SCAMP4: variants seen among roughly 807,000 people sequenced by gnomAD.
The protein encoded by SCAMP4 is secretory carrier-associated membrane protein 4.
In SCAMP4, 19 loss-of-function variants were observed where a neutral mutation model predicts 32.1. The ratio of observed to expected loss-of-function variants is 0.59; its 90% confidence interval spans 0.41 to 0.87. The LOEUF (loss-of-function observed/expected upper bound fraction) is 0.87. Among genes scored for constraint, SCAMP4 ranks in the 40% least tolerant of loss-of-function variants. The pLI, the probability that SCAMP4 is intolerant of heterozygous loss-of-function variation, is 0.00. For synonymous variants in SCAMP4, 152 were observed against 132.7 expected (o/e 1.15, Z -1.00); for missense variants, 302 against 309.0 (o/e 0.98, Z 0.17).
intron 5 of SCAMP4, chr19:1,921,925 CGGG>C: frequency 1.0e-6 from 1 of 985,466 alleles, no homozygotes; most frequent in Non-Finnish European, 1.2e-6. Flanking sequence ...AGGGACGCGG[CGGG>C]GGGTACCGCG....
chr19:1,920,653 G>A, intron 5 of SCAMP4: 1 of 985,544 alleles, frequency 1.0e-6, no homozygotes, highest in Non-Finnish European at 1.2e-6. Context: ...TGCAGAGGCT[G>A]TGGCTGCAGG....
chr19:1,921,171 G>A lies in SCAMP4; in HGVS notation c.396-1899G>A, dbSNP rs1451675411. ...CTGTGGGGCGAGAGGGGACAGCCCC[G>A]CTCTCCCTGTCCTGGGCGGCTTCAC... is the stretch of plus-strand genomic sequence containing the variant. On this transcript the variant is annotated intron_variant, in intron 5 of 6. Transcript: ENST00000316097. 53 of 985,162 alleles carry A rather than the reference G, an allele frequency of 5.4e-5. No individual in the cohort carries two copies. The East Asian group carries it at 1.6e-3, about 30-fold the overall frequency. 61.0% of individuals were successfully genotyped at this position (985,162 alleles called of 1,614,324 possible). A position where few individuals can be genotyped will look rare whatever the true frequency, so the allele number is the denominator to read the frequency against.
intron 6 of SCAMP4, 75 bp downstream of exon 6, chr19:1,923,262 G>A: frequency 2.3e-6 from 3 of 1,332,456 alleles, no homozygotes; most frequent in Non-Finnish European, 3.1e-6. Context: ...TCCCAGGTGG[G>A]TGAACGTCGA....
chr19:1,924,214 A>C lies in SCAMP4; in HGVS notation c.620A>C (p.Asn207Thr), dbSNP rs754449771. ...NPPSREAQYN[N>T]FSGNSLPEYP... ...CCGTCGAGGGAGGCCCAGTACAACA[A>C]CTTCTCAGGCAACAGCCTGCCCGAG... Residue 207 changes from asparagine (N) to threonine (T), a missense_variant, in exon 7 of 7, where the codon AAC becomes ACC. Transcript: ENST00000316097. 1 of 1,608,844 alleles carries C rather than the reference A, an allele frequency of 6.2e-7. No individual in the cohort carries two copies. The highest frequency in any genetic ancestry group is 8.5e-7 in the Non-Finnish European group (1 of 1,177,708).
At chr19:1,912,124 A>G in intron 1 of SCAMP4, 1 of 1,544,668 alleles carries the variant, frequency 6.5e-7, no homozygotes, top group South Asian at 1.2e-5. Context: ...CTCGTGGAGC[A>G]GCCCAAGTGC....
rs1043919540 is a variant in SCAMP4 at position 1,925,285 on chromosome 19, A to T, written c.*1001A>T. 3 of 152,002 alleles carry T rather than the reference A, an allele frequency of 2.0e-5. No homozygotes were observed. Among genetic ancestry groups the T allele is most frequent in the African/African-American group, 7.3e-5 (3 of 41,358 alleles). 9.4% of individuals were successfully genotyped at this position (152,002 alleles called of 1,614,324 possible). A position where few individuals can be genotyped will look rare whatever the true frequency, so the allele number is the denominator to read the frequency against. On this transcript the variant is annotated 3_prime_UTR_variant, in exon 7 of 7. Transcript: ENST00000316097. Reference sequence around the variant, plus strand: ...GCTAATTTTTATATTTTTAGTACAGATGGGGTTTCACCATGTTGGCCAGGC... The same window carrying T: ...GCTAATTTTTATATTTTTAGTACAGTTGGGGTTTCACCATGTTGGCCAGGC...
rs1220245737 is a variant in SCAMP4 at position 1,908,636 on chromosome 19, G to A, written c.-42+3197G>A. 2 of 460,840 alleles carry A rather than the reference G, an allele frequency of 4.3e-6. No individual in the cohort carries two copies. The highest frequency in any genetic ancestry group is 7.0e-5 in the East Asian group (1 of 14,340). The allele number at this position is 460,840 out of a possible 1,614,324, so 28.5% of individuals were successfully genotyped here. ...GCTAGAAATAACTGTGAGCACACAG[G>A]TAGTAAGGTTTTTAGGATTTTATTA... On this transcript the variant is annotated intron_variant, in intron 1 of 6. Coordinates refer to ENST00000316097, the MANE Select transcript of SCAMP4 (RefSeq NM_079834.4). This position sits in a 1 kb window ranked among gnomAD's most constrained non-coding sequence, Gnocchi z 4.2.
intron 1 of SCAMP4, chr19:1,913,430 TAAAC>T (rs1430711080): frequency 2.0e-5 from 11 of 556,842 alleles, no homozygotes; most frequent in Admixed American, 3.5e-5. Context: ...GATGGGAAAA[TAAAC>T]AGCCCAAAAC....
intron 2 of SCAMP4, 89 bp downstream of exon 2, chr19:1,915,115 G>T: frequency 6.6e-7 from 1 of 1,520,550 alleles, no homozygotes. Flanking sequence ...CCTGGCCGTT[G>T]GCAAACAGTG....
At chr19:1,912,259 A>G in intron 1 of SCAMP4, 2 of 1,597,038 alleles carry the variant, frequency 1.3e-6, no homozygotes, top group South Asian at 1.1e-5. Flanking sequence ...GACAAGCGCC[A>G]GACCTCACGC....
At chr19:1,912,433 C>A in intron 1 of SCAMP4, 3 of 1,510,422 alleles carry the variant, frequency 2.0e-6, no homozygotes, top group East Asian at 2.7e-5. Flanking sequence ...CTGCCACGGC[C>A]GGCTGTGGAC....
chr19:1,921,799 G>C (rs1352953789), intron 5 of SCAMP4: 1 of 984,462 alleles, frequency 1.0e-6, no homozygotes, highest in Non-Finnish European at 1.2e-6. Context: ...GGGCAACATA[G>C]GGAGAAACCA....
chr19:1,918,016 G>T (rs2013790043), intron 3 of SCAMP4, 111 bp from the exon 4 acceptor site: 1 of 1,419,246 alleles, frequency 7.0e-7, no homozygotes, highest in Non-Finnish European at 9.6e-7. Context: ...TCCTCGACAT[G>T]GGGTCACTGG....
chr19:1,906,866 T>TTG (rs66848678), intron 1 of SCAMP4: 53,598 of 129,846 alleles, frequency 0.41, 12,849 homozygotes, highest in Middle Eastern at 0.57. Flanking sequence ...AAAAAAAAAA[T>TTG]TGTGTGTGTG....
intron 6 of SCAMP4, 61 bp from the exon 7 acceptor site, chr19:1,924,047 C>A (rs540029147): frequency 0.013 from 17,885 of 1,417,918 alleles, 1,307 homozygotes; most frequent in Admixed American, 0.013. Flanking sequence ...GGCGTGAGTC[C>A]CCGTGCCCGG....
intron 1 of SCAMP4, chr19:1,912,572 C>T (rs996302800): frequency 6.7e-7 from 1 of 1,497,594 alleles, no homozygotes; most frequent in Non-Finnish European, 8.8e-7. Context: ...TGACCAGCGC[C>T]CTGGCTGGGC....
intron 5 of SCAMP4, chr19:1,922,582 C>T: frequency 1.0e-6 from 1 of 985,464 alleles, no homozygotes; most frequent in Non-Finnish European, 1.2e-6. Context: ...GTGATGGTGG[C>T]AGATTTTCCA....
At chr19:1,917,482 C>T (rs556175701) in intron 2 of SCAMP4, among the ~76,000 whole-genome samples, 2 of 152,282 alleles carry the variant, frequency 1.3e-5, no homozygotes, top group East Asian at 3.9e-4. Flanking sequence ...CTCAGCGCAG[C>T]CTCTTCCCGT....
intron 5 of SCAMP4, chr19:1,919,204 T>A: frequency 7.1e-7 from 1 of 1,408,860 alleles, no homozygotes; most frequent in Non-Finnish European, 9.2e-7. Context: ...TTGTAGGCAC[T>A]CTCCTAGGGA....
Sources: allele counts gnomAD v4.1 joint callset (sites outside exome capture counted in the v4.1 genomes callset), GRCh38; gene constraint gnomAD v4.1.1; non-coding constraint Gnocchi (gnomAD v3.1); transcripts MANE v1.5; gene names NCBI Gene and HGNC (gene_info 2026-07-23, HGNC 2026-07-21).